CTTNBP2: variants seen among roughly 807,000 people sequenced by gnomAD.
CTTNBP2 encodes cortactin-binding protein 2.
A neutral mutation model predicts 156.9 loss-of-function variants in CTTNBP2; 108 were observed. The ratio of observed to expected loss-of-function variants is 0.69; its 90% CI spans 0.59 to 0.81. The LOEUF is 0.81. Ranked by LOEUF, CTTNBP2 falls within the 30% of genes least tolerant of loss-of-function variation. CTTNBP2 has a pLI of 0.00. For missense variants in CTTNBP2, 1,924 were observed against 2,035.4 expected (o/e 0.95, Z 1.05); for synonymous variants, 767 against 751.8 (o/e 1.02, Z -0.33).
chr7:117,723,314 TATTAAA>T (rs72387384), intron 19 of CTTNBP2, among the ~76,000 whole-genome samples: 2,439 of 152,290 alleles, frequency 0.016, 74 homozygotes, highest in African/African-American at 0.056. Context: ...ATTAAATTTT[TATTAAA>T]ATTAACAAAA....
intron 8 of CTTNBP2, 162 bp from the exon 9 acceptor site, chr7:117,767,338 A>G: frequency 1.7e-6 from 1 of 581,426 alleles, no homozygotes; most frequent in Non-Finnish European, 3.1e-6. Flanking sequence ...ATCTTAAACT[A>G]AACAATGTCT....
At chr7:117,760,330 G>T (rs185197012) in intron 10 of CTTNBP2, 105 bp downstream of exon 10, 1 of 1,137,088 alleles carries the variant, frequency 8.8e-7, no homozygotes, top group Non-Finnish European at 1.3e-6. Context: ...CCACAAGTAA[G>T]CTTTGAATGT....
At chr7:117,752,263 A>G (rs1796655650) in intron 12 of CTTNBP2, among the ~76,000 whole-genome samples, 2 of 152,196 alleles carry the variant, frequency 1.3e-5, no homozygotes, top group African/African-American at 4.8e-5. Flanking sequence ...GGACATTCAG[A>G]GTCTTAATTT....
intron 2 of CTTNBP2, 50 bp from the exon 3 acceptor site, chr7:117,811,039 G>A (rs1432914295): frequency 7.4e-7 from 1 of 1,356,988 alleles, no homozygotes; most frequent in Admixed American, 1.8e-5. Flanking sequence ...AAAATATACA[G>A]AAAGATATTT....
intron 19 of CTTNBP2, among the ~76,000 whole-genome samples, chr7:117,723,618 T>C (rs1469331726): frequency 6.6e-6 from 1 of 152,194 alleles, no homozygotes; most frequent in Non-Finnish European, 1.5e-5. Flanking sequence ...CCAAAAGGAA[T>C]AGGCCTAACA....
intron 1 of CTTNBP2, among the ~76,000 whole-genome samples, chr7:117,865,670 C>A (rs1385215156): frequency 1.2e-5 from 1 of 83,790 alleles, no homozygotes; most frequent in African/African-American, 5.2e-5. Context: ...GACTCCATCT[C>A]CAAAAAAAAA....
chr7:117,760,548 T>A lies in CTTNBP2; in HGVS notation c.3059A>T (p.His1020Leu). ...SKAVSQALTNHFQAISSDGWW... is the reference protein window; with the variant it reads ...SKAVSQALTNLFQAISSDGWW... ...TCCATCAGAAGAGATTGCCTGGAAATGATTTGTCAGAGCTTGACTCACTGC... is the reference window on the plus strand; with the variant it reads ...TCCATCAGAAGAGATTGCCTGGAAAAGATTTGTCAGAGCTTGACTCACTGC... Residue 1020 changes from histidine to leucine, a missense_variant, in exon 10 of 23, where the codon CAT (histidine) becomes CTT (leucine). Transcript: ENST00000160373. 1 of 1,614,196 alleles carries A rather than the reference T, an allele frequency of 6.2e-7. No homozygotes were observed. The highest frequency in any genetic ancestry group is 8.5e-7 in the Non-Finnish European group (1 of 1,180,012).
At chr7:117,719,357 G>A (rs113617419) in intron 21 of CTTNBP2, 147 bp downstream of exon 21, 19 of 683,226 alleles carry the variant, frequency 2.8e-5, no homozygotes, top group African/African-American at 3.6e-5. Flanking sequence ...AGGAAGAAAC[G>A]GCCTTTCTAA....
chr7:117,771,710 G>T (rs1473831516), intron 8 of CTTNBP2, among the ~76,000 whole-genome samples: 1 of 152,186 alleles, frequency 6.6e-6, no homozygotes, highest in Admixed American at 6.5e-5. Context: ...GTACTTTTGG[G>T]CCACAGACTC....
intron 10 of CTTNBP2, 58 bp from the exon 11 acceptor site, chr7:117,758,028 A>T: frequency 8.0e-7 from 1 of 1,249,906 alleles, no homozygotes; most frequent in Non-Finnish European, 1.1e-6. Flanking sequence ...TTTTTCTCAC[A>T]AGGGTAAACA....
chr7:117,825,470 T>C (rs1199092892), intron 2 of CTTNBP2, among the ~76,000 whole-genome samples: 1 of 152,240 alleles, frequency 6.6e-6, no homozygotes, highest in East Asian at 1.9e-4. Flanking sequence ...AGGCATTGGC[T>C]AGCTCTTTTC....
intron 2 of CTTNBP2, among the ~76,000 whole-genome samples, chr7:117,815,955 A>G (rs1288186319): frequency 1.3e-5 from 2 of 152,194 alleles, no homozygotes; most frequent in African/African-American, 4.8e-5. Context: ...AGGGCAAAAA[A>G]CAGGTGCATA....
intron 8 of CTTNBP2, among the ~76,000 whole-genome samples, chr7:117,776,982 C>G (rs916049188): frequency 6.6e-6 from 1 of 152,200 alleles, no homozygotes; most frequent in Admixed American, 6.5e-5. Flanking sequence ...AACATGAAAA[C>G]ATGAGTGAAT....
chr7:117,804,954 G>A (rs1799844378), intron 3 of CTTNBP2, among the ~76,000 whole-genome samples: 1 of 152,178 alleles, frequency 6.6e-6, no homozygotes, highest in Non-Finnish European at 1.5e-5. Flanking sequence ...TCCATGATAT[G>A]TAGAAAAATG....
At chr7:117,740,682 C>G (rs2116523831) in intron 14 of CTTNBP2, among the ~76,000 whole-genome samples, 1 of 152,318 alleles carries the variant, frequency 6.6e-6, no homozygotes, top group Non-Finnish European at 1.5e-5. Context: ...TTTCCTCCAT[C>G]CAGATCTCTG....
chr7:117,758,333 C>T (rs1303441186), intron 10 of CTTNBP2, among the ~76,000 whole-genome samples: 1 of 152,018 alleles, frequency 6.6e-6, no homozygotes, highest in African/African-American at 2.4e-5. Flanking sequence ...TTTCTCAAAG[C>T]CTGAGCACTT....
chr7:117,847,880 G>A (rs548610912), intron 2 of CTTNBP2, among the ~76,000 whole-genome samples: 43 of 129,644 alleles, frequency 3.3e-4, no homozygotes, highest in African/African-American at 1.2e-3. Flanking sequence ...GGGCAGTGGT[G>A]TAATCTTGGC....
Position 117,728,250 on chromosome 7 carries a change from G to C in CTTNBP2, c.3894C>G (p.Pro1298=). The change falls in exon 17 of 23, where the codon CCC becomes CCG. Residue 1298 remains proline (P), a synonymous_variant. Coordinates refer to ENST00000160373, the MANE Select transcript of CTTNBP2 (RefSeq NM_033427.3). ...KVVNKFKGQA[P]SPCDPVCKIV... ...TCTTGCACACAGGATCGCAGGGGGAGGGCGCCTGACCTTTGAACTAGAGAG... is the reference window on the plus strand; with the variant it reads ...TCTTGCACACAGGATCGCAGGGGGACGGCGCCTGACCTTTGAACTAGAGAG... 6.2e-7 allele frequency: 1 copy of C among 1,613,578 alleles called. No individual in the cohort carries two copies. Among genetic ancestry groups the C allele is most frequent in the South Asian group, 1.1e-5 (1 of 91,000 alleles).
intron 19 of CTTNBP2, among the ~76,000 whole-genome samples, chr7:117,723,906 C>T (rs1794942497): frequency 6.6e-6 from 1 of 152,024 alleles, no homozygotes; most frequent in Non-Finnish European, 1.5e-5. Context: ...GCATGCGCCA[C>T]CATGCCCAGC....
Sources: allele counts gnomAD v4.1 joint callset (sites outside exome capture counted in the v4.1 genomes callset), GRCh38; gene constraint gnomAD v4.1.1; transcripts MANE v1.5; gene names NCBI Gene and HGNC (gene_info 2026-07-23, HGNC 2026-07-21).